UTY: variants seen among roughly 807,000 people sequenced by gnomAD.
UTY encodes histone demethylase UTY.
In UTY, 12 loss-of-function variants were observed where a neutral mutation model predicts 32.5. That is an observed-to-expected ratio of 0.37 (90% CI 0.24 to 0.60). The LOEUF (loss-of-function observed/expected upper bound fraction) is 0.60, where lower values mean the gene tolerates loss of function less well. UTY is among the 20% of genes least tolerant of loss of function. The pLI is 0.69. For missense variants in UTY, 303 were observed against 299.2 expected, an observed-to-expected ratio of 1.01 and a Z score of -0.09; for synonymous variants, 131 against 103.4, an observed-to-expected ratio of 1.27 and a Z score of -1.62.
intron 27 of UTY, among the ~76,000 whole-genome samples, chrY:13,276,973 G>GT (rs2056736992): frequency 2.9e-5 from 1 of 34,116 alleles, no homozygotes; most frequent in Non-Finnish European, 7.3e-5. Context: ...ACAAAACTGA[G>GT]TGAGTTAGCA....
intron 7 of UTY, among the ~76,000 whole-genome samples, chrY:13,395,907 T>G (rs2068135965): frequency 4.3e-5 from 1 of 23,258 alleles, no homozygotes; most frequent in African/African-American, 1.7e-4. Context: ...CCTTCTGTTT[T>G]TTTTTTTTTT....
At chrY:13,391,037 G>GT (rs2067515275) in intron 8 of UTY, among the ~76,000 whole-genome samples, 2 of 32,730 alleles carry the variant, frequency 6.1e-5, no homozygotes, top group South Asian at 1.4e-3. Flanking sequence ...TATTAACAAG[G>GT]TATCACTGAG....
At chrY:13,470,871 ACT>A (rs2078426530) in intron 2 of UTY, among the ~76,000 whole-genome samples, 14 of 32,757 alleles carry the variant, frequency 4.3e-4, no homozygotes, top group African/African-American at 1.7e-3. Context: ...AACATTACTG[ACT>A]CTGGTAGCCA....
intron 27 of UTY, among the ~76,000 whole-genome samples, chrY:13,295,059 T>TA (rs79646327): frequency 2.4e-3 from 42 of 17,787 alleles, no homozygotes; most frequent in African/African-American, 6.4e-3. Flanking sequence ...AAAACTGTCT[T>TA]AAAAAAAAAA....
intron 2 of UTY, among the ~76,000 whole-genome samples, chrY:13,471,498 G>A: frequency 3.0e-5 from 1 of 33,265 alleles, no homozygotes; most frequent in Non-Finnish European, 7.4e-5. Context: ...TGCAGTATCC[G>A]GAAAACAGGA....
intron 3 of UTY, among the ~76,000 whole-genome samples, chrY:13,464,600 C>T (rs939776408): frequency 3.1e-5 from 1 of 31,887 alleles, no homozygotes; most frequent in Non-Finnish European, 7.6e-5. Context: ...GGTGAGACCC[C>T]ATCTCTATTA....
chrY:13,348,174 T>C (rs774942935), intron 17 of UTY, among the ~76,000 whole-genome samples: 43 of 33,996 alleles, frequency 1.3e-3, no homozygotes, highest in African/African-American at 4.3e-3. Flanking sequence ...TTAGATTATG[T>C]TTTGATACGG....
At chrY:13,388,591 C>T (rs906187325) in intron 8 of UTY, among the ~76,000 whole-genome samples, 2 of 33,448 alleles carry the variant, frequency 6.0e-5, no homozygotes, top group African/African-American at 2.3e-4. Flanking sequence ...TCCATAATGG[C>T]TGTACCAATT....
At chrY:13,388,346 T>G in intron 8 of UTY, among the ~76,000 whole-genome samples, 1 of 34,054 alleles carries the variant, frequency 2.9e-5, no homozygotes, top group Non-Finnish European at 7.3e-5. Flanking sequence ...TGCATTATAG[T>G]AAAGGTCAAA....
intron 18 of UTY, among the ~76,000 whole-genome samples, chrY:13,329,186 G>A: frequency 3.0e-5 from 1 of 33,568 alleles, no homozygotes; most frequent in Non-Finnish European, 7.4e-5. Flanking sequence ...AGATCTCACA[G>A]TATGAGGAAA....
At chrY:13,337,773 T>A in intron 17 of UTY, among the ~76,000 whole-genome samples, 1 of 33,082 alleles carries the variant, frequency 3.0e-5, no homozygotes, top group African/African-American at 1.2e-4. Flanking sequence ...ACACATAGAT[T>A]ATGAACTAAT....
chrY:13,350,359 G>C, intron 17 of UTY, among the ~76,000 whole-genome samples: 1 of 33,244 alleles, frequency 3.0e-5, no homozygotes, highest in East Asian at 7.7e-4. Context: ...TCTGTAACTA[G>C]AACACATGGC....
intron 27 of UTY, among the ~76,000 whole-genome samples, chrY:13,281,465 T>C: frequency 6.1e-5 from 2 of 32,876 alleles, no homozygotes; most frequent in Admixed American, 2.8e-4. Flanking sequence ...TCAAAAGAAA[T>C]AGAGTGGCTG....
intron 4 of UTY, among the ~76,000 whole-genome samples, chrY:13,434,011 A>C (rs1038989692): frequency 4.4e-4 from 15 of 34,053 alleles, no homozygotes; most frequent in Non-Finnish European, 8.8e-4. Flanking sequence ...ATCAAACAAA[A>C]AGGAAGTGTG....
intron 2 of UTY, 159 bp downstream of exon 2, chrY:13,479,095 G>A: frequency 6.3e-6 from 1 of 157,617 alleles, no homozygotes; most frequent in South Asian, 5.4e-5. Flanking sequence ...AGCAAGGGGC[G>A]AAGTATTCCA....
At chrY:13,435,123 G>A in intron 4 of UTY, among the ~76,000 whole-genome samples, 2 of 32,953 alleles carry the variant, frequency 6.1e-5, no homozygotes, top group African/African-American at 2.4e-4. Flanking sequence ...GAGAAATGCT[G>A]GAAACTATAC....
In UTY at chrY:13,310,810, T is replaced by G. The variant is rs1040588356; in HGVS notation, c.3277-4560A>C. 1.5e-4 allele frequency among the ~76,000 whole-genome samples: 5 copies of G among 33,847 alleles called. No homozygotes were observed. The East Asian group carries it at 3.8e-3, about 26-fold the overall frequency. 90.8% of individuals were successfully genotyped at this position (33,847 alleles called of 37,273 possible). On this transcript the variant is annotated intron_variant, in intron 21 of 29. Coordinates refer to ENST00000545955, the MANE Select transcript of UTY (RefSeq NM_001258249.2). Reference sequence around the variant, plus strand: ...GCAGGATTAAAAAATTCATCTTGGCTGGGCACAGTGGCTCACGCCTGTAAT... The same window carrying G: ...GCAGGATTAAAAAATTCATCTTGGCGGGGCACAGTGGCTCACGCCTGTAAT...
chrY:13,368,139 G>C (rs1603442111), intron 9 of UTY, among the ~76,000 whole-genome samples: 2 of 24,409 alleles, frequency 8.2e-5, no homozygotes, highest in East Asian at 1.0e-3. Flanking sequence ...GATTTCGGCT[G>C]ACTGCAAGCT....
intron 27 of UTY, among the ~76,000 whole-genome samples, chrY:13,265,890 G>A (rs1044453964): frequency 3.0e-5 from 1 of 32,898 alleles, no homozygotes; most frequent in Non-Finnish European, 7.4e-5. Flanking sequence ...TAAATAGCTC[G>A]ATTATTTTGA....
Sources: gnomAD v4.1 joint callset for allele counts (sites outside exome capture counted in the v4.1 genomes callset) on GRCh38, gnomAD v4.1.1 for gene constraint, MANE v1.5 for transcripts, NCBI Gene and HGNC (gene_info 2026-07-23, HGNC 2026-07-21) for gene names.